Variants in SYNE2 observed in about 807,000 individuals in gnomAD.
SYNE2 encodes nesprin-2.
Under a neutral mutation model 856.3 loss-of-function variants are expected in SYNE2, and 431 were observed. That is an observed-to-expected ratio of 0.50 (90% CI 0.47 to 0.55). SYNE2 has a LOEUF of 0.55. SYNE2 is among the 20% of genes least tolerant of loss of function. The probability of loss-of-function intolerance (pLI) is 0.00; values close to 1 mark genes in which losing one functional copy is unlikely to be tolerated. For synonymous variants in SYNE2, 2,923 were observed against 2,872.3 expected (o/e 1.02, Z -0.56); for missense variants, 8,129 against 8,023.2 (o/e 1.01, Z -0.50).
At chr14:63,953,521 A>C (rs899013115) in intron 7 of SYNE2, among the ~76,000 whole-genome samples, 3 of 100,830 alleles carry the variant, frequency 3.0e-5, no homozygotes, top group African/African-American at 1.1e-4. Context: ...TTGATTGATA[A>C]ATAGATAGAT....
intron 50 of SYNE2, among the ~76,000 whole-genome samples, chr14:64,064,621 A>G (rs1401268511): frequency 7.0e-6 from 1 of 142,668 alleles, no homozygotes; most frequent in Non-Finnish European, 1.5e-5. Context: ...TGGTGCAATC[A>G]TGGCTTATCA....
chr14:64,130,412 G>A (rs1486764890), intron 76 of SYNE2, among the ~76,000 whole-genome samples, 164 bp downstream of exon 76: 4 of 152,108 alleles, frequency 2.6e-5, no homozygotes, highest in African/African-American at 7.2e-5. Context: ...AGGAACCCTG[G>A]TACATGCTAG....
intron 1 of SYNE2, among the ~76,000 whole-genome samples, chr14:63,902,261 A>G (rs547413696): frequency 6.6e-6 from 1 of 152,054 alleles, no homozygotes; most frequent in African/African-American, 2.4e-5. Flanking sequence ...AAGTACAAAA[A>G]TTAGCCGTGT....
chr14:63,819,685 C>T (rs916307891), intron 1 of SYNE2, among the ~76,000 whole-genome samples: 10 of 151,686 alleles, frequency 6.6e-5, no homozygotes, highest in Non-Finnish European at 8.8e-5. Flanking sequence ...TACAGGCGCC[C>T]GCCACCATGC....
intron 16 of SYNE2, among the ~76,000 whole-genome samples, chr14:63,981,430 A>G (rs1470395776): frequency 6.6e-6 from 1 of 152,204 alleles, no homozygotes; most frequent in African/African-American, 2.4e-5. Flanking sequence ...TTCTTAAGGT[A>G]TAATTTACAT....
At chr14:64,089,769 T>A (rs2097593620) in intron 59 of SYNE2, 73 bp downstream of exon 59, 1 of 1,312,858 alleles carries the variant, frequency 7.6e-7, no homozygotes. Flanking sequence ...TAATATAATG[T>A]GATTTAAAAA....
intron 2 of SYNE2, 67 bp downstream of exon 2, chr14:63,909,294 A>G (rs1487738335): frequency 5.6e-6 from 6 of 1,063,202 alleles, no homozygotes. Context: ...TCTAGTTGCA[A>G]GTCACACTGA....
At chr14:63,876,677 G>A (rs903864392) in intron 1 of SYNE2, among the ~76,000 whole-genome samples, 3 of 151,932 alleles carry the variant, frequency 2.0e-5, no homozygotes, top group African/African-American at 2.4e-5. Context: ...TAGTAGAGAC[G>A]GGGTTTCACC....
chr14:63,967,903 C>T, intron 11 of SYNE2, 57 bp downstream of exon 11: 1 of 1,581,734 alleles, frequency 6.3e-7, no homozygotes, highest in Admixed American at 1.7e-5. Flanking sequence ...TGGCTCACAC[C>T]TGTAATCCCA....
intron 86 of SYNE2, 72 bp downstream of exon 86, chr14:64,158,867 G>A (rs190942861): frequency 6.6e-7 from 1 of 1,509,004 alleles, no homozygotes; most frequent in Non-Finnish European, 9.2e-7. Context: ...ACAGTAACGG[G>A]CATAACTGTG....
intron 48 of SYNE2, among the ~76,000 whole-genome samples, chr14:64,054,841 T>C (rs558397771): frequency 6.6e-6 from 1 of 152,188 alleles, no homozygotes; most frequent in East Asian, 1.9e-4. Flanking sequence ...AACTCCCTTT[T>C]CTAATTCAAA....
chr14:63,920,172 G>A (rs1157933172), intron 2 of SYNE2, among the ~76,000 whole-genome samples: 2 of 151,914 alleles, frequency 1.3e-5, no homozygotes, highest in African/African-American at 4.8e-5. Flanking sequence ...CTTCTAAAAT[G>A]TATCCTCTGA....
chr14:63,962,375 A>G (rs73275783), intron 9 of SYNE2, among the ~76,000 whole-genome samples: 3,080 of 152,064 alleles, frequency 0.02, 74 homozygotes, highest in African/African-American at 0.061. Flanking sequence ...TTTTTGTATT[A>G]TAATATTTAT....
intron 41 of SYNE2, among the ~76,000 whole-genome samples, 185 bp from the exon 42 acceptor site, chr14:64,026,394 T>G (rs1168190328): frequency 6.6e-6 from 1 of 152,194 alleles, no homozygotes. Flanking sequence ...CAAATATTTA[T>G]GGAGAACTAT....
At chr14:64,075,883 C>A (rs2153605869) in intron 53 of SYNE2, 62 bp from the exon 54 acceptor site, 4 of 1,591,730 alleles carry the variant, frequency 2.5e-6, no homozygotes, top group Middle Eastern at 1.9e-4. Context: ...GCTGCTTTCA[C>A]TTTTTAGAAT....
chr14:64,043,236 A>G (rs2097161639), intron 45 of SYNE2, among the ~76,000 whole-genome samples: 1 of 152,214 alleles, frequency 6.6e-6, no homozygotes, highest in African/African-American at 2.4e-5. Context: ...CTAAGCAACA[A>G]AGCATTCAAG....
At chr14:64,171,995 C>T (rs1193587804) in intron 94 of SYNE2, among the ~76,000 whole-genome samples, 3 of 152,244 alleles carry the variant, frequency 2.0e-5, no homozygotes, top group East Asian at 1.9e-4. Flanking sequence ...GGATTACAGG[C>T]GCCCGCCACC....
At chr14:64,165,182 T>C (rs967290187) in intron 89 of SYNE2, 103 bp from the exon 90 acceptor site, 125 of 1,312,554 alleles carry the variant, frequency 9.5e-5, no homozygotes, top group Non-Finnish European at 1.3e-4. Context: ...CCACCGTGCC[T>C]AGCCAAAAAC....
intron 1 of SYNE2, among the ~76,000 whole-genome samples, chr14:63,784,823 T>C (rs1887453168): frequency 6.6e-6 from 1 of 151,848 alleles, no homozygotes. Flanking sequence ...TAAAAATATA[T>C]AAATAAATAA....
Sources: allele counts gnomAD v4.1 joint callset (sites outside exome capture counted in the v4.1 genomes callset), GRCh38; gene constraint gnomAD v4.1.1; transcripts MANE v1.5; gene names NCBI Gene and HGNC (gene_info 2026-07-23, HGNC 2026-07-21).